The following DPYD variants were observed in gnomAD, a reference collection of about 807,000 sequenced individuals.
DPYD encodes the protein dihydropyrimidine dehydrogenase [NADP(+)].
In DPYD, 109 loss-of-function variants were observed where a neutral mutation model predicts 116.2. That is an observed-to-expected ratio of 0.94 (90% CI 0.80 to 1.10). DPYD has a LOEUF of 1.10. Ranked by LOEUF, DPYD falls within the 50% of genes least tolerant of loss-of-function variation. DPYD has a pLI of 0.00. For synonymous variants in DPYD, 440 were observed against 432.0 expected (o/e 1.02, Z -0.23); for missense variants, 1,302 against 1,254.5 (o/e 1.04, Z -0.57).
intron 1 of DPYD, among the ~76,000 whole-genome samples, chr1:97,917,602 T>C (rs542010236): frequency 5.3e-5 from 8 of 152,176 alleles, no homozygotes; most frequent in Non-Finnish European, 1.0e-4. Flanking sequence ...AAAATCCCTT[T>C]TTCATTTAGG....
chr1:97,835,225 T>G (rs1037951930), intron 2 of DPYD, among the ~76,000 whole-genome samples: 3 of 152,118 alleles, frequency 2.0e-5, no homozygotes, highest in African/African-American at 7.2e-5. Context: ...AGCTTATGTG[T>G]TCTTACAAAA....
chr1:97,527,237 C>T (rs954319342), intron 12 of DPYD, among the ~76,000 whole-genome samples: 1 of 152,024 alleles, frequency 6.6e-6, no homozygotes, highest in Admixed American at 6.6e-5. Flanking sequence ...TGCCACCACG[C>T]CCAGCTAATT....
chr1:97,646,995 GC>G (rs1450884973), intron 8 of DPYD, among the ~76,000 whole-genome samples: 1 of 152,020 alleles, frequency 6.6e-6, no homozygotes, highest in African/African-American at 2.4e-5. Context: ...AGAACAAAGT[GC>G]CCTTGTATCT....
At chr1:97,808,146 A>C (rs1222877218) in intron 3 of DPYD, among the ~76,000 whole-genome samples, 1 of 152,110 alleles carries the variant, frequency 6.6e-6, no homozygotes. Context: ...CATAAGCAAG[A>C]TATAACCTCC....
intron 16 of DPYD, among the ~76,000 whole-genome samples, chr1:97,312,574 T>G (rs974148612): frequency 6.6e-6 from 1 of 151,850 alleles, no homozygotes; most frequent in African/African-American, 2.4e-5. Context: ...ATGCAGCCAT[T>G]AAAAATAAAT....
intron 8 of DPYD, among the ~76,000 whole-genome samples, chr1:97,655,849 T>C (rs971089794): frequency 6.6e-6 from 1 of 152,208 alleles, no homozygotes; most frequent in African/African-American, 2.4e-5. Context: ...TTAAAGGTTC[T>C]TTTTGAGTCA....
chr1:97,565,447 C>A (rs951924268), intron 11 of DPYD, among the ~76,000 whole-genome samples: 1 of 152,128 alleles, frequency 6.6e-6, no homozygotes, highest in Non-Finnish European at 1.5e-5. Flanking sequence ...TCCTTTGACT[C>A]CACATATATT....
At chr1:97,320,170 C>A (rs1311798574) in intron 16 of DPYD, among the ~76,000 whole-genome samples, 7 of 125,590 alleles carry the variant, frequency 5.6e-5, no homozygotes, top group Admixed American at 3.3e-4. Context: ...TGAAAACTGG[C>A]ACAAGACAGG....
intron 19 of DPYD, among the ~76,000 whole-genome samples, chr1:97,199,243 T>C (rs1659034030): frequency 6.6e-6 from 1 of 152,138 alleles, no homozygotes; most frequent in African/African-American, 2.4e-5. Flanking sequence ...ACTTGTAAAA[T>C]GGAAAGAGCT....
At chr1:97,294,980 C>T (rs1244547376) in intron 18 of DPYD, among the ~76,000 whole-genome samples, 3 of 152,138 alleles carry the variant, frequency 2.0e-5, no homozygotes, top group African/African-American at 7.2e-5. Context: ...CACTTGTAGA[C>T]TATTAGAATT....
intron 19 of DPYD, among the ~76,000 whole-genome samples, chr1:97,205,083 C>T (rs1406506700): frequency 6.6e-6 from 1 of 152,068 alleles, no homozygotes; most frequent in Non-Finnish European, 1.5e-5. Flanking sequence ...CACCCCCAAA[C>T]TCGGCACCTT....
At chr1:97,389,086 G>A (rs994177946) in intron 14 of DPYD, among the ~76,000 whole-genome samples, 1 of 152,044 alleles carries the variant, frequency 6.6e-6, no homozygotes, top group Non-Finnish European at 1.5e-5. Flanking sequence ...GTCTCTTACT[G>A]AGAGTAAAGA....
rs1673756250 is a variant in DPYD at position 97,908,393 on chromosome 1, T to C, written c.39+12491A>G. On this transcript the variant is annotated intron_variant, in intron 1 of 22. Coordinates refer to ENST00000370192, the MANE Select transcript of DPYD (RefSeq NM_000110.4). Reference sequence around the variant, plus strand: ...TTCCCATCATATTTCCTCTGTGTTCTACTCCCTATAACTCAGTGCTTCTGT... The same window carrying C: ...TTCCCATCATATTTCCTCTGTGTTCCACTCCCTATAACTCAGTGCTTCTGT... Among the ~76,000 whole-genome samples the C allele has an allele frequency of 4.6e-5, 7 of 152,148 alleles. No homozygotes were observed. The South Asian group carries it at 1.5e-3, about 32-fold the overall frequency.
At chr1:97,431,063 A>T (rs1363264810) in intron 14 of DPYD, among the ~76,000 whole-genome samples, 2 of 152,132 alleles carry the variant, frequency 1.3e-5, no homozygotes, top group East Asian at 3.8e-4. Context: ...TTTTCTTAAG[A>T]AATATTTATT....
chr1:97,159,402 A>T (rs949308853), intron 20 of DPYD, among the ~76,000 whole-genome samples: 1 of 151,974 alleles, frequency 6.6e-6, no homozygotes, highest in African/African-American at 2.4e-5. Flanking sequence ...AGAAACTATT[A>T]AAAAAATTAA....
chr1:97,751,456 G>GTATATATATATATA (rs1326157374), intron 3 of DPYD, among the ~76,000 whole-genome samples: 7 of 24,420 alleles, frequency 2.9e-4, no homozygotes, highest in African/African-American at 3.4e-4. Context: ...GTGTGTGTGT[G>GTATATATATATATA]TGTGTATATA....
At chr1:97,900,892 T>C (rs1025603026) in intron 1 of DPYD, among the ~76,000 whole-genome samples, 6 of 151,826 alleles carry the variant, frequency 4.0e-5, no homozygotes, top group African/African-American at 1.2e-4. Flanking sequence ...AAACACCCTA[T>C]CTCTATTAAT....
intron 20 of DPYD, among the ~76,000 whole-genome samples, chr1:97,139,262 T>C (rs1347069007): frequency 6.6e-6 from 1 of 152,186 alleles, no homozygotes; most frequent in Non-Finnish European, 1.5e-5. Context: ...TTTCTGATGC[T>C]GTAGCTGGAT....
intron 12 of DPYD, among the ~76,000 whole-genome samples, chr1:97,540,871 G>A (rs986788223): frequency 6.6e-6 from 1 of 152,100 alleles, no homozygotes; most frequent in Middle Eastern, 3.2e-3. Flanking sequence ...CATCACTTTG[G>A]AGATTCCAAA....
Sources: gnomAD v4.1 joint callset for allele counts (sites outside exome capture counted in the v4.1 genomes callset) on GRCh38, gnomAD v4.1.1 for gene constraint, MANE v1.5 for transcripts, NCBI Gene and HGNC (gene_info 2026-07-23, HGNC 2026-07-21) for gene names.